RPS6KA2: variants seen among roughly 807,000 people sequenced by gnomAD.
The protein encoded by RPS6KA2 is ribosomal protein S6 kinase A2, also known as ribosomal protein S6 kinase alpha-2.
RPS6KA2 carries 42 observed loss-of-function variants against 91.8 expected under a neutral mutation model. The observed-to-expected ratio is 0.46, with a 90% CI of 0.36 to 0.59. RPS6KA2 has a LOEUF of 0.59. RPS6KA2 is among the 20% of genes least tolerant of loss of function. The pLI, the probability that RPS6KA2 is intolerant of heterozygous loss-of-function variation, is 0.00. For missense variants in RPS6KA2, 798 were observed against 978.5 expected (o/e 0.82, Z 2.46); for synonymous variants, 414 against 393.6 (o/e 1.05, Z -0.61).
rs545364496 is a variant in RPS6KA2, at chr6:166,554,615, G to C, written c.100-15831C>G. ...CGCGGCTGGCACGCGGGTGGCCATG[G>C]GGGGGTGGGGGTCCCACTCCAGCAC... On this transcript the variant is annotated intron_variant, in intron 1 of 20. Coordinates refer to ENST00000265678, the MANE Select transcript of RPS6KA2 (RefSeq NM_021135.6). This position sits in a 1 kb window ranked among gnomAD's most constrained non-coding sequence, Gnocchi z 4.3. 1.3e-5 allele frequency among the ~76,000 whole-genome samples: 2 copies of C among 152,354 alleles called. No individual in the cohort carries two copies. Among genetic ancestry groups the C allele is most frequent in the Middle Eastern group, 3.4e-3 (1 of 294 alleles).
intron 2 of RPS6KA2, among the ~76,000 whole-genome samples, chr6:166,651,310 G>C (rs1295147894): frequency 6.6e-6 from 1 of 152,216 alleles, no homozygotes; most frequent in Non-Finnish European, 1.5e-5. Flanking sequence ...CATGTGGGCA[G>C]CAATTCAAAG....
In RPS6KA2 at chr6:166,423,363, T is replaced by C; in HGVS notation, c.1636A>G (p.Ser546Gly). 6.2e-7 allele frequency: 1 copy of C among 1,614,128 alleles called. No individual in the cohort carries two copies. Among genetic ancestry groups the C allele is most frequent in the South Asian group, 1.1e-5 (1 of 91,084 alleles). The change falls in exon 17 of 21, where the codon AGC becomes GGC. Residue 546 changes from serine (S) to glycine (G), a missense_variant. Coordinates refer to ENST00000265678, the MANE Select transcript of RPS6KA2 (RefSeq NM_021135.6). This position sits in a 1 kb window ranked among gnomAD's most constrained non-coding sequence, Gnocchi z 4.8. The part of the protein sequence containing the change: ...SNILYRDESG[S>G]PESIRVCDFG... ...TCGCAGACTCGGATGGATTCTGGGC[T>C]CCCCGACTCATCCCTGTACAGGATG...
rs1363071755 is a variant in RPS6KA2, at chr6:166,437,727, C to T, written c.1333-5237G>A. On this transcript the variant is annotated intron_variant, in intron 14 of 20. Transcript: ENST00000265678. This position sits in a 1 kb window ranked among gnomAD's most constrained non-coding sequence, Gnocchi z 4.3. ...CACACCACCATGATCTTCCTGAGCA[C>T]GGACACATGCAGCCATGTGCCAAAC... 2.0e-5 allele frequency among the ~76,000 whole-genome samples: 3 copies of T among 152,174 alleles called. No individual in the cohort carries two copies. Among genetic ancestry groups the T allele is most frequent in the Admixed American group, 6.5e-5 (1 of 15,290 alleles).
At chr6:166,610,456 T>C (rs1241569904) in intron 1 of RPS6KA2, among the ~76,000 whole-genome samples, 1 of 152,156 alleles carries the variant, frequency 6.6e-6, no homozygotes, top group East Asian at 1.9e-4. Context: ...TTCATGATGG[T>C]TAATACAGAT....
At position 166,419,786 on chromosome 6, in the gene RPS6KA2, C is replaced by T; in HGVS notation, c.1820+96G>A. 1 of 1,136,092 alleles carries T rather than the reference C, an allele frequency of 8.8e-7. No homozygotes were observed. Among genetic ancestry groups the T allele is most frequent in the East Asian group, 2.4e-5 (1 of 41,990 alleles). 70.4% of individuals were successfully genotyped at this position (1,136,092 alleles called of 1,614,324 possible). ...CACGTTGGGTTTGCCCACATGCGCACACTAGGACAGGGCTGGCCCTGGTCC... is the reference window on the plus strand; with the variant it reads ...CACGTTGGGTTTGCCCACATGCGCATACTAGGACAGGGCTGGCCCTGGTCC... On this transcript the variant is annotated intron_variant, in intron 18 of 20. Coordinates refer to ENST00000265678, the MANE Select transcript of RPS6KA2 (RefSeq NM_021135.6). The surrounding 1 kb of genome is among the most constrained non-coding windows in gnomAD (Gnocchi z 5.6).
At chr6:166,538,213 G>T (rs1348745028) in intron 2 of RPS6KA2, among the ~76,000 whole-genome samples, 1 of 152,210 alleles carries the variant, frequency 6.6e-6, no homozygotes, top group Non-Finnish European at 1.5e-5. Context: ...GTGAGGAGGG[G>T]AGCCGGCTGC....
At chr6:166,564,437 C>G (rs1011682142) in intron 1 of RPS6KA2, among the ~76,000 whole-genome samples, 5 of 152,212 alleles carry the variant, frequency 3.3e-5, no homozygotes, top group African/African-American at 4.8e-5. Context: ...CTGCCACTCA[C>G]AAGCAGCTTC....
intron 6 of RPS6KA2, 131 bp downstream of exon 6, chr6:166,504,375 T>G: frequency 3.5e-6 from 2 of 572,520 alleles, no homozygotes; most frequent in East Asian, 3.1e-5. Context: ...GGCACAAGAG[T>G]CTCCCCAGCC....
intron 1 of RPS6KA2, among the ~76,000 whole-genome samples, chr6:166,549,661 T>G (rs922428606): frequency 6.6e-6 from 1 of 151,774 alleles, no homozygotes; most frequent in African/African-American, 2.4e-5. Context: ...GTTGGGGGGG[T>G]GTGTGTGTCC....
At chr6:166,680,690 C>T (rs922103370) in intron 2 of RPS6KA2, among the ~76,000 whole-genome samples, 4 of 152,166 alleles carry the variant, frequency 2.6e-5, no homozygotes, top group Admixed American at 6.5e-5. Context: ...TCAGCGAGAC[C>T]ATGAACCCAC....
chr6:166,590,111 G>A (rs1295635139), intron 1 of RPS6KA2, among the ~76,000 whole-genome samples: 1 of 152,140 alleles, frequency 6.6e-6, no homozygotes, highest in Non-Finnish European at 1.5e-5. Context: ...AAAGACACAG[G>A]GGCTGGAATT....
intron 10 of RPS6KA2, among the ~76,000 whole-genome samples, chr6:166,472,686 T>C (rs1324942502): frequency 6.6e-6 from 1 of 152,142 alleles, no homozygotes; most frequent in Non-Finnish European, 1.5e-5. Context: ...CCTTTTTATC[T>C]CCACTGAACC....
chr6:166,764,817 T>C (rs1223483842), intron 2 of RPS6KA2, among the ~76,000 whole-genome samples: 4 of 146,034 alleles, frequency 2.7e-5, no homozygotes, highest in Admixed American at 2.0e-4. Context: ...AAACACGTGC[T>C]ACAGTCACAT....
chr6:166,817,153 G>C (rs1433607544), intron 2 of RPS6KA2, among the ~76,000 whole-genome samples: 1 of 152,128 alleles, frequency 6.6e-6, no homozygotes, highest in Non-Finnish European at 1.5e-5. Flanking sequence ...ATACAAGTCA[G>C]AAATCAGACC....
intron 2 of RPS6KA2, among the ~76,000 whole-genome samples, chr6:166,646,929 T>A (rs1787623970): frequency 6.6e-6 from 1 of 152,070 alleles, no homozygotes; most frequent in African/African-American, 2.4e-5. Flanking sequence ...CGGCCGCCAC[T>A]CCTCCCTCAG....
chr6:166,679,721 GC>G (rs1237240001), intron 2 of RPS6KA2, among the ~76,000 whole-genome samples: 2 of 152,238 alleles, frequency 1.3e-5, no homozygotes, highest in East Asian at 3.9e-4. Context: ...GCTGGCCGAG[GC>G]CGGAGCCGGC....
At position 166,759,769 on chromosome 6, in the gene RPS6KA2, C is replaced by T. The variant is rs779821890; in HGVS notation, c.123+98431G>A. Among the ~76,000 whole-genome samples, 15 of 152,318 alleles carry T rather than the reference C, an allele frequency of 9.8e-5. No homozygotes were observed. In the East Asian group the frequency reaches 1.2e-3, roughly 12 times the overall value. ...ACACACTGCTGGCGTCTTCTCATAC[C>T]GTCTACCGCTGGCTGCAGCCTCAGC... On this transcript the variant is annotated intron_variant, in intron 2 of 21. Coordinates refer to the RPS6KA2 transcript ENST00000503859.
In RPS6KA2 at chr6:166,448,883, A is replaced by G. The variant is rs779553104; in HGVS notation, c.1207-34T>C. 2.2e-5 allele frequency: 36 copies of G among 1,611,766 alleles called. No individual in the cohort carries two copies. The highest frequency in any genetic ancestry group is 3.1e-5 in the Non-Finnish European group (36 of 1,178,448). On this transcript the variant is annotated intron_variant, in intron 13 of 20. Coordinates refer to ENST00000265678, the MANE Select transcript of RPS6KA2 (RefSeq NM_021135.6). This position sits in a 1 kb window ranked among gnomAD's most constrained non-coding sequence, Gnocchi z 4.7. ...GGACCAAGAGAAGAAGAGTTGTCGG[A>G]ACCCTCACACGAGGGGACGGTGCAG...
intron 2 of RPS6KA2, among the ~76,000 whole-genome samples, chr6:166,838,861 T>C (rs905359191): frequency 2.9e-5 from 4 of 137,768 alleles, no homozygotes; most frequent in Non-Finnish European, 5.9e-5. Flanking sequence ...GGATTTTCTA[T>C]GTGAGTTTAA....
Sources: allele counts gnomAD v4.1 joint callset (sites outside exome capture counted in the v4.1 genomes callset), GRCh38; gene constraint gnomAD v4.1.1; non-coding constraint Gnocchi (gnomAD v3.1); transcripts MANE v1.5; gene names NCBI Gene and HGNC (gene_info 2026-07-23, HGNC 2026-07-21).